The following CLIC5 variants were observed in gnomAD, a reference collection of about 807,000 sequenced individuals.
CLIC5 encodes the protein chloride intracellular channel protein 5.
A neutral mutation model predicts 24.7 loss-of-function variants in CLIC5; 20 were observed. That is an observed-to-expected ratio of 0.81 (90% CI 0.57 to 1.18). CLIC5 has a LOEUF of 1.18. CLIC5 is among the 50% of genes most tolerant of loss of function. The pLI, the probability that CLIC5 is intolerant of heterozygous loss-of-function variation, is 0.00. For missense variants in CLIC5, 341 were observed against 326.1 expected (o/e 1.05, Z -0.35); for synonymous variants, 159 against 135.6 (o/e 1.17, Z -1.20).
intron 1 of CLIC5, among the ~76,000 whole-genome samples, chr6:45,958,441 T>TATATACACACACACACACACACACAC (rs1278907089): frequency 2.2e-4 from 4 of 17,942 alleles, no homozygotes; most frequent in Non-Finnish European, 4.7e-4. Flanking sequence ...TATATATATA[T>TATATACACACACACACACACACACAC]ATATATATAT....
chr6:45,903,771 A>G (rs1762574392), intron 5 of CLIC5, among the ~76,000 whole-genome samples: 1 of 152,222 alleles, frequency 6.6e-6, no homozygotes, highest in Non-Finnish European at 1.5e-5. Flanking sequence ...CTAGATGTCT[A>G]TATACCTATA....
chr6:45,958,116 G>A (rs962729115), intron 1 of CLIC5, among the ~76,000 whole-genome samples: 2 of 152,010 alleles, frequency 1.3e-5, no homozygotes, highest in East Asian at 1.9e-4. Context: ...GGATTAGAAT[G>A]GGCTCTAAAC....
intron 5 of CLIC5, chr6:45,911,851 G>A: frequency 1.0e-6 from 1 of 985,536 alleles, no homozygotes; most frequent in Non-Finnish European, 1.2e-6. Context: ...GGCCTTGGCT[G>A]CTGAGCTGGT....
chr6:45,983,679 C>CTTCA (rs1417014339), intron 1 of CLIC5, among the ~76,000 whole-genome samples: 1 of 152,250 alleles, frequency 6.6e-6, no homozygotes, highest in East Asian at 1.9e-4. Flanking sequence ...ATAGACAACC[C>CTTCA]TTCATTCATT....
At chr6:45,999,089 T>G (rs1766255856) in intron 1 of CLIC5, among the ~76,000 whole-genome samples, 1 of 152,168 alleles carries the variant, frequency 6.6e-6, no homozygotes. Flanking sequence ...AGAGTCCTTT[T>G]GGAACCTCCC....
At chr6:46,066,020 G>A (rs561211354) in intron 1 of CLIC5, among the ~76,000 whole-genome samples, 19 of 152,224 alleles carry the variant, frequency 1.2e-4, no homozygotes, top group East Asian at 1.9e-4. Context: ...CCAAATATAC[G>A]AACTTGTACA....
At position 46,024,741 on chromosome 6, in the gene CLIC5, C is replaced by T. The variant is rs115422993; in HGVS notation, c.540+54962G>A. Among the ~76,000 whole-genome samples, 1,433 of 152,226 alleles carry T rather than the reference C, an allele frequency of 9.4e-3. 23 individuals are homozygous for T. The highest frequency in any genetic ancestry group is 0.032 in the African/African-American group (1,338 of 41,540). On this transcript the variant is annotated intron_variant, in intron 1 of 5. Coordinates refer to the CLIC5 transcript ENST00000185206. ...CATTAGTTAGAATCTGTATAGAGGG[C>T]TGTAGGCAAGAGGTGGTCTATATGA...
chr6:45,889,947 A>G (rs1762335704), intron 6 of CLIC5, among the ~76,000 whole-genome samples: 1 of 152,226 alleles, frequency 6.6e-6, no homozygotes, highest in Non-Finnish European at 1.5e-5. Context: ...ATGAAACACT[A>G]TATAGATGTT....
At chr6:45,921,464 C>T (rs560014624) in intron 4 of CLIC5, among the ~76,000 whole-genome samples, 1 of 152,172 alleles carries the variant, frequency 6.6e-6, no homozygotes, top group South Asian at 2.1e-4. Flanking sequence ...GGGTTTGAAT[C>T]CTCAGTTATG....
the CLIC5 span, among the ~76,000 whole-genome samples, chr6:46,090,144 G>T: frequency 6.6e-6 from 1 of 152,180 alleles, no homozygotes; most frequent in Non-Finnish European, 1.5e-5. Flanking sequence ...AAAAATACCA[G>T]ATGTCTATAA....
At chr6:46,077,012 C>G (rs1348248899) in intron 1 of CLIC5, among the ~76,000 whole-genome samples, 1 of 151,948 alleles carries the variant, frequency 6.6e-6, no homozygotes, top group Non-Finnish European at 1.5e-5. Context: ...TGGCGCATGC[C>G]TGTAATCTAA....
intron 1 of CLIC5, among the ~76,000 whole-genome samples, chr6:45,978,781 C>T (rs1293454412): frequency 6.6e-6 from 1 of 152,088 alleles, no homozygotes; most frequent in Admixed American, 6.6e-5. Flanking sequence ...GAAATCCCAT[C>T]TCTACTAAAA....
At chr6:45,942,674 C>T (rs943936248) in intron 3 of CLIC5, among the ~76,000 whole-genome samples, 10 of 152,106 alleles carry the variant, frequency 6.6e-5, no homozygotes, top group South Asian at 4.1e-4. Flanking sequence ...TTTGATAGTT[C>T]GAACCAAACA....
At chr6:46,018,182 A>T (rs923845007), upstream of CLIC5, among the ~76,000 whole-genome samples, 3 of 152,238 alleles carry the variant, frequency 2.0e-5, no homozygotes, top group Admixed American at 6.5e-5. Flanking sequence ...GCAATGTGGC[A>T]GTAGCAAATA....
chr6:45,894,240 T>C (rs67715157), downstream of CLIC5, among the ~76,000 whole-genome samples: 9,106 of 152,308 alleles, frequency 0.06, 336 homozygotes, highest in South Asian at 0.098. Context: ...CATAGTCTGC[T>C]GGTGAGAGAG....
chr6:45,987,911 T>G (rs1404136559), intron 1 of CLIC5, among the ~76,000 whole-genome samples: 2 of 152,240 alleles, frequency 1.3e-5, no homozygotes, highest in African/African-American at 4.8e-5. Context: ...GAGCACAATT[T>G]AGTCAACTGC....
At chr6:45,939,360 T>C (rs1382261361) in intron 4 of CLIC5, among the ~76,000 whole-genome samples, 1 of 151,496 alleles carries the variant, frequency 6.6e-6, no homozygotes. Context: ...ACTACAGGCA[T>C]GTGCCATCAC....
intron 1 of CLIC5, among the ~76,000 whole-genome samples, chr6:46,013,990 C>T (rs534558733): frequency 2.6e-4 from 40 of 152,192 alleles, no homozygotes; most frequent in African/African-American, 9.2e-4. Context: ...GAGAAATGAC[C>T]TCCTTTATTA....
At chr6:45,922,223 C>T (rs778591591) in intron 4 of CLIC5, among the ~76,000 whole-genome samples, 6 of 152,122 alleles carry the variant, frequency 3.9e-5, no homozygotes, top group Non-Finnish European at 8.8e-5. Flanking sequence ...AGTAAGAAGC[C>T]AGTAAATGAT....
Sources: allele counts gnomAD v4.1 joint callset (sites outside exome capture counted in the v4.1 genomes callset), GRCh38; gene constraint gnomAD v4.1.1; transcripts MANE v1.5; gene names NCBI Gene and HGNC (gene_info 2026-07-23, HGNC 2026-07-21).